The following RAD54L2 variants were observed in gnomAD, a reference collection of about 807,000 sequenced individuals.
The protein encoded by RAD54L2 is RAD54 like 2.
A neutral mutation model predicts 138.4 loss-of-function variants in RAD54L2; 27 were observed. The observed-to-expected ratio is 0.20, with a 90% CI of 0.14 to 0.27. The LOEUF (loss-of-function observed/expected upper bound fraction) is 0.27, where lower values mean the gene tolerates loss of function less well. RAD54L2 is among the 10% of genes least tolerant of loss of function. The pLI is 1.00. For synonymous variants in RAD54L2, 644 were observed against 723.2 expected (o/e 0.89, Z 1.76); for missense variants, 1,396 against 1,890.2 (o/e 0.74, Z 4.85).
chr3:51,544,572 T>C (rs1698636659), intron 2 of RAD54L2, among the ~76,000 whole-genome samples: 1 of 152,184 alleles, frequency 6.6e-6, no homozygotes, highest in East Asian at 1.9e-4. Flanking sequence ...AACTAACTAC[T>C]GATAAGCCAC....
At chr3:51,598,727 G>A (rs1361505710) in intron 3 of RAD54L2, among the ~76,000 whole-genome samples, 1 of 152,108 alleles carries the variant, frequency 6.6e-6, no homozygotes, top group Non-Finnish European at 1.5e-5. Context: ...CTGCACTATA[G>A]CCTGGGTGAC....
chr3:51,639,376 T>TG, intron 12 of RAD54L2, 43 bp from the exon 13 acceptor site: 1 of 1,605,244 alleles, frequency 6.2e-7, no homozygotes, highest in African/African-American at 1.3e-5. Flanking sequence ...ACCCTTGGAA[T>TG]GTTTTTTGTC....
intron 3 of RAD54L2, among the ~76,000 whole-genome samples, chr3:51,608,052 G>A (rs1700241717): frequency 6.7e-6 from 1 of 149,564 alleles, no homozygotes. Flanking sequence ...CGGGCAGAGG[G>A]GCTCCTCACT....
chr3:51,608,509 C>G (rs548350239), intron 3 of RAD54L2, among the ~76,000 whole-genome samples: 5 of 152,180 alleles, frequency 3.3e-5, no homozygotes, highest in Admixed American at 6.5e-5. Context: ...GAGCGGAGAT[C>G]ACACCACTGC....
At chr3:51,640,994 GTTTCTT>G (rs1409758960) in intron 14 of RAD54L2, among the ~76,000 whole-genome samples, 2 of 151,906 alleles carry the variant, frequency 1.3e-5, no homozygotes, top group South Asian at 2.1e-4. Flanking sequence ...ACCTCTTTCT[GTTTCTT>G]TTTCTTTTTC....
Position 51,662,699 on chromosome 3 carries a change from G to A in RAD54L2, c.3683G>A (p.Gly1228Asp). 1 of 1,613,898 alleles carries A rather than the reference G, an allele frequency of 6.2e-7. No individual in the cohort carries two copies. Among genetic ancestry groups the A allele is most frequent in the Admixed American group, 1.7e-5 (1 of 59,992 alleles). Residue 1228 changes from glycine (G) to aspartate (D), a missense_variant, in exon 23 of 23, where the codon GGT becomes GAT. Gly to Asp is a moderately conservative substitution (Grantham distance 94). Coordinates refer to ENST00000684192, the MANE Select transcript of RAD54L2 (RefSeq NM_015106.4). The surrounding 1 kb of genome is among the most constrained non-coding windows in gnomAD (Gnocchi z 4.6). The stretch of plus-strand genomic sequence containing the variant: ...CTCGGAACTGAGCCTCGACTAGGGG[G>A]TCATTGCCTCAATAGTTCCCTCTTG... ...TALGTEPRLG[G>D]HCLNSSLLVT...
intron 2 of RAD54L2, among the ~76,000 whole-genome samples, chr3:51,570,221 G>C (rs1394526109): frequency 1.4e-5 from 2 of 140,246 alleles, no homozygotes; most frequent in Non-Finnish European, 3.0e-5. Context: ...TCAGCTCACT[G>C]CAGCGTCTGC....
rs112451983 is a variant in RAD54L2 at position 51,558,046 on chromosome 3, G to A, written c.-55+16396G>A. On this transcript the variant is annotated intron_variant, in intron 2 of 22. Transcript: ENST00000684192. ...TATTTTGTAGAGAGAGGGTTTTACC[G>A]TGTTGCCCAGGCTGGTCTCAAATTT... Among the ~76,000 whole-genome samples the A allele has an allele frequency of 1.3e-3, 192 of 151,580 alleles. 1 individual carries two copies. The highest frequency in any genetic ancestry group is 4.0e-3 in the African/African-American group (167 of 41,300).
intron 2 of RAD54L2, among the ~76,000 whole-genome samples, chr3:51,559,228 T>A (rs551151947): frequency 1.3e-5 from 2 of 152,188 alleles, no homozygotes; most frequent in Non-Finnish European, 2.9e-5. Context: ...CTCTTTCACA[T>A]TTAATGTGTC....
Position 51,638,889 on chromosome 3 carries a change from A to G in RAD54L2, c.1861-530A>G, listed in dbSNP as rs1701056436. The stretch of plus-strand genomic sequence containing the variant: ...TTCCAAATATTTCTTTTATAGCCAC[A>G]GTCCTGGGTCAAGGCCAGGAAACTA... On this transcript the variant is annotated intron_variant, in intron 12 of 22. Coordinates refer to ENST00000684192, the MANE Select transcript of RAD54L2 (RefSeq NM_015106.4). The surrounding 1 kb of genome is among the most constrained non-coding windows in gnomAD (Gnocchi z 4.3). The G allele has an allele frequency of 6.3e-6, 1 of 158,792 alleles. No individual in the cohort carries two copies. 9.8% of individuals were successfully genotyped at this position (158,792 alleles called of 1,614,324 possible).
At chr3:51,559,445 G>T (rs1044635419) in intron 2 of RAD54L2, among the ~76,000 whole-genome samples, 1 of 152,114 alleles carries the variant, frequency 6.6e-6, no homozygotes, top group Non-Finnish European at 1.5e-5. Context: ...TGGTAACTCG[G>T]TGCCTCCCCT....
At chr3:51,567,187 T>C (rs539361114) in intron 2 of RAD54L2, among the ~76,000 whole-genome samples, 2 of 152,216 alleles carry the variant, frequency 1.3e-5, no homozygotes, top group Non-Finnish European at 2.9e-5. Context: ...GTTTTCAGTT[T>C]GTTTTTCATT....
chr3:51,656,193 G>T, intron 20 of RAD54L2, 23 bp downstream of exon 20: 1 of 1,563,318 alleles, frequency 6.4e-7, no homozygotes, highest in Non-Finnish European at 8.7e-7. Flanking sequence ...GGGCTCTGTG[G>T]CAGAGCTGCT....
chr3:51,619,490 C>CTT (rs201347889), intron 3 of RAD54L2, among the ~76,000 whole-genome samples: 25 of 144,588 alleles, frequency 1.7e-4, no homozygotes, highest in East Asian at 1.2e-3. Flanking sequence ...ATGTGTCTCT[C>CTT]TTTTTTTTTT....
chr3:51,602,678 A>G (rs563450285), intron 3 of RAD54L2, among the ~76,000 whole-genome samples: 145 of 152,322 alleles, frequency 9.5e-4, no homozygotes, highest in African/African-American at 3.4e-3. Context: ...AGATACATTC[A>G]TCCAGTCATT....
rs140325816 is a variant in RAD54L2, at chr3:51,555,186, A to G, written c.-55+13536A>G. ...ATTCCAGATTTTTAGATGATAACCA[A>G]TTGCCAATCAGAAAATCTTTAATCT... On this transcript the variant is annotated intron_variant, in intron 2 of 22. Transcript: ENST00000684192. 2.9e-3 allele frequency among the ~76,000 whole-genome samples: 449 copies of G among 152,272 alleles called. 2 individuals carry two copies. The highest frequency in any genetic ancestry group is 5.0e-3 in the Admixed American group (76 of 15,292).
intron 2 of RAD54L2, among the ~76,000 whole-genome samples, chr3:51,567,006 A>G (rs1428726939): frequency 6.6e-6 from 1 of 152,004 alleles, no homozygotes; most frequent in African/African-American, 2.4e-5. Context: ...TTACTCTTTC[A>G]TGAGATTGTA....
chr3:51,590,101 A>C (rs1199396439), intron 2 of RAD54L2, among the ~76,000 whole-genome samples: 2 of 151,972 alleles, frequency 1.3e-5, no homozygotes, highest in East Asian at 3.9e-4. Context: ...AGCAATTCTC[A>C]TGCCTCAGCC....
In RAD54L2 at chr3:51,630,686, CT is replaced by C. The variant is rs748254048; in HGVS notation, c.599-11del. 28 of 1,597,982 alleles carry C rather than the reference CT, an allele frequency of 1.8e-5. No homozygotes were observed. Among genetic ancestry groups the C allele is most frequent in the South Asian group, 4.5e-5 (4 of 89,810 alleles). ...TTCACTCCCTGGATTTTTGGTTTTG[CT>C]TTTTTTTGCTGTCTCAGAGGTGATT... On this transcript the variant is annotated intron_variant, in intron 6 of 22. Coordinates refer to ENST00000684192, the MANE Select transcript of RAD54L2 (RefSeq NM_015106.4).
Sources: allele counts gnomAD v4.1 joint callset (sites outside exome capture counted in the v4.1 genomes callset), GRCh38; gene constraint gnomAD v4.1.1; non-coding constraint Gnocchi (gnomAD v3.1); transcripts MANE v1.5; gene names NCBI Gene and HGNC (gene_info 2026-07-23, HGNC 2026-07-21).